Variants in EYA1 observed in about 807,000 individuals in gnomAD.
EYA1 encodes EYA transcriptional coactivator and phosphatase 1.
EYA1 carries 16 observed loss-of-function variants against 82.0 expected under a neutral mutation model. The observed-to-expected ratio is 0.20, with a 90% CI of 0.13 to 0.30. The LOEUF (loss-of-function observed/expected upper bound fraction) is 0.30, where lower values mean the gene tolerates loss of function less well. EYA1 is among the 10% of genes least tolerant of loss of function. The pLI is 1.00. For missense variants in EYA1, 633 were observed against 730.7 expected (o/e 0.87, Z 1.54); for synonymous variants, 261 against 264.4 (o/e 0.99, Z 0.12).
intron 2 of EYA1, among the ~76,000 whole-genome samples, chr8:71,372,430 G>T (rs1356312155): frequency 6.6e-6 from 1 of 152,032 alleles, no homozygotes; most frequent in African/African-American, 2.4e-5. Flanking sequence ...TCCCAATCAG[G>T]TTAATTTCCC....
chr8:71,423,179 A>T (rs1485154459), intron 2 of EYA1, among the ~76,000 whole-genome samples: 1 of 152,124 alleles, frequency 6.6e-6, no homozygotes, highest in African/African-American at 2.4e-5. Context: ...TGTCTTTGCT[A>T]TCATTCCAAA....
intron 12 of EYA1, among the ~76,000 whole-genome samples, chr8:71,224,731 A>G (rs1404871372): frequency 6.6e-6 from 1 of 152,234 alleles, no homozygotes; most frequent in Non-Finnish European, 1.5e-5. Context: ...CCAGACTACC[A>G]TCTTTCTCAC....
chr8:71,459,966 A>C (rs1298024795), intron 2 of EYA1, among the ~76,000 whole-genome samples: 1 of 152,204 alleles, frequency 6.6e-6, no homozygotes, highest in Non-Finnish European at 1.5e-5. Flanking sequence ...AAGAATTTTC[A>C]AAATTGATTT....
chr8:71,308,135 C>T (rs980015102), intron 7 of EYA1, among the ~76,000 whole-genome samples: 1 of 152,162 alleles, frequency 6.6e-6, no homozygotes, highest in African/African-American at 2.4e-5. Context: ...GTTTTCTAAT[C>T]TGTCATGCCA....
chr8:71,331,489 T>TTATATA (rs71264550), intron 4 of EYA1, among the ~76,000 whole-genome samples: 66,438 of 146,560 alleles, frequency 0.45, 16,343 homozygotes, highest in Middle Eastern at 0.59. Context: ...TATAAATGTT[T>TTATATA]TATATATATA....
intron 1 of EYA1, among the ~76,000 whole-genome samples, chr8:71,542,038 A>C (rs1815179157): frequency 6.6e-6 from 1 of 152,168 alleles, no homozygotes; most frequent in South Asian, 2.1e-4. Context: ...ACTTTATTCA[A>C]AAGGAGAAGA....
chr8:71,399,794 A>G (rs1202789786), intron 2 of EYA1, among the ~76,000 whole-genome samples: 1 of 152,172 alleles, frequency 6.6e-6, no homozygotes, highest in Non-Finnish European at 1.5e-5. Flanking sequence ...TCAGAAAAAA[A>G]CTACTTTAAA....
At chr8:71,464,513 C>A (rs1342380479) in intron 2 of EYA1, among the ~76,000 whole-genome samples, 1 of 152,186 alleles carries the variant, frequency 6.6e-6, no homozygotes, top group African/African-American at 2.4e-5. Context: ...ACAGGCAATG[C>A]AACGGGCCTA....
chr8:71,491,819 G>A (rs940912640), intron 2 of EYA1, among the ~76,000 whole-genome samples: 1 of 152,090 alleles, frequency 6.6e-6, no homozygotes, highest in Non-Finnish European at 1.5e-5. Flanking sequence ...AGTCCATGAA[G>A]GTGTGAGACA....
chr8:71,246,146 T>A (rs963388040), intron 11 of EYA1, among the ~76,000 whole-genome samples: 3 of 152,272 alleles, frequency 2.0e-5, no homozygotes, highest in African/African-American at 7.2e-5. Flanking sequence ...ATGAATTTTT[T>A]AAGGGTTTAT....
At chr8:71,364,895 T>G (rs955467909), upstream of EYA1, among the ~76,000 whole-genome samples, 1 of 143,686 alleles carries the variant, frequency 7.0e-6, no homozygotes, top group Non-Finnish European at 1.5e-5. Context: ...GTAGAAGAGT[T>G]TAGTGTTTTA....
intron 2 of EYA1, chr8:71,529,644 C>CTA (rs1814100817): frequency 6.6e-6 from 1 of 152,246 alleles, no homozygotes; most frequent in Admixed American, 6.5e-5. Flanking sequence ...GCGACCTGCT[C>CTA]TATCAGGCAC....
chr8:71,333,513 C>A (rs530374350), intron 4 of EYA1, among the ~76,000 whole-genome samples: 1 of 152,160 alleles, frequency 6.6e-6, no homozygotes, highest in African/African-American at 2.4e-5. Context: ...ATTCTCACAA[C>A]CACCTTATGA....
intron 11 of EYA1, among the ~76,000 whole-genome samples, chr8:71,259,067 A>C (rs1274643138): frequency 6.6e-6 from 1 of 152,190 alleles, no homozygotes; most frequent in Non-Finnish European, 1.5e-5. Flanking sequence ...GCAGCCAGAC[A>C]CTATTTTACT....
chr8:71,363,880 AAG>A (rs199970152), upstream of EYA1, among the ~76,000 whole-genome samples: 1,863 of 152,240 alleles, frequency 0.012, 28 homozygotes, highest in South Asian at 0.028. Flanking sequence ...TTTTAGACAT[AAG>A]AGAGTAAGAA....
chr8:71,541,503 T>C (rs1467215135), intron 1 of EYA1, among the ~76,000 whole-genome samples: 5 of 152,236 alleles, frequency 3.3e-5, no homozygotes, highest in Non-Finnish European at 5.9e-5. Flanking sequence ...ATTAGAATGA[T>C]GACATGCTTA....
At chr8:71,233,371 T>G (rs913444534) in intron 12 of EYA1, among the ~76,000 whole-genome samples, 1 of 152,066 alleles carries the variant, frequency 6.6e-6, no homozygotes, top group Non-Finnish European at 1.5e-5. Flanking sequence ...GAGACCATCC[T>G]GGCTAACACA....
intron 12 of EYA1, among the ~76,000 whole-genome samples, chr8:71,241,018 T>G (rs1296445892): frequency 6.6e-6 from 1 of 152,212 alleles, no homozygotes; most frequent in Admixed American, 6.5e-5. Flanking sequence ...ATGGAGAGTT[T>G]TTTTGTAAAA....
intron 2 of EYA1, among the ~76,000 whole-genome samples, chr8:71,527,604 C>G (rs1257290860): frequency 6.6e-6 from 1 of 152,186 alleles, no homozygotes; most frequent in Non-Finnish European, 1.5e-5. Context: ...TTCCAAAACT[C>G]TCACAGATAG....
Sources: gnomAD v4.1 joint callset for allele counts (sites outside exome capture counted in the v4.1 genomes callset) on GRCh38, gnomAD v4.1.1 for gene constraint, MANE v1.5 for transcripts, NCBI Gene and HGNC (gene_info 2026-07-23, HGNC 2026-07-21) for gene names.